Variants in LIMS1 observed in about 807,000 individuals in gnomAD.
LIMS1 encodes the protein LIM zinc finger domain containing 1.
In LIMS1, 18 loss-of-function variants were observed where a neutral mutation model predicts 44.1. The observed-to-expected ratio is 0.41, with a 90% CI of 0.28 to 0.61. The LOEUF (loss-of-function observed/expected upper bound fraction) is 0.61, where lower values mean the gene tolerates loss of function less well. Among genes scored for constraint, LIMS1 ranks in the 20% least tolerant of loss-of-function variants. The probability of loss-of-function intolerance (pLI) is 0.32; values close to 1 mark genes in which losing one functional copy is unlikely to be tolerated. For missense variants in LIMS1, 201 were observed against 422.0 expected, an observed-to-expected ratio of 0.48 and a Z score of 4.59; for synonymous variants, 93 against 149.1, an observed-to-expected ratio of 0.62 and a Z score of 2.74.
intron 1 of LIMS1, among the ~76,000 whole-genome samples, chr2:108,626,915 C>T (rs1688605950): frequency 6.6e-6 from 1 of 152,200 alleles, no homozygotes; most frequent in Non-Finnish European, 1.5e-5. Flanking sequence ...CTGCATAAAA[C>T]GTTTCAGTCA....
intron 1 of LIMS1, among the ~76,000 whole-genome samples, chr2:108,645,834 A>T (rs1174521952): frequency 6.6e-6 from 1 of 151,476 alleles, no homozygotes; most frequent in African/African-American, 2.4e-5. Context: ...AAAAAAAAAA[A>T]CCCAGGAGTT....
intron 1 of LIMS1, among the ~76,000 whole-genome samples, chr2:108,548,139 G>C (rs1684550738): frequency 6.6e-6 from 1 of 152,158 alleles, no homozygotes; most frequent in Non-Finnish European, 1.5e-5. Flanking sequence ...TGAGGATAAT[G>C]ATGAAAAAAT....
intron 1 of LIMS1, among the ~76,000 whole-genome samples, chr2:108,585,930 A>G (rs1686082598): frequency 6.6e-6 from 1 of 152,136 alleles, no homozygotes; most frequent in Admixed American, 6.5e-5. Context: ...GTGGTGGCTC[A>G]TGCCTGTAAT....
intron 1 of LIMS1, among the ~76,000 whole-genome samples, chr2:108,561,236 G>A (rs572548854): frequency 6.6e-6 from 1 of 152,220 alleles, no homozygotes; most frequent in Non-Finnish European, 1.5e-5. Flanking sequence ...CACCAGCAGT[G>A]TATAGTGTTC....
rs71381966 is a variant in LIMS1, at chr2:108,549,279, C to CTTTTTTTTTTTTT, written c.32+14706_32+14718dup. 1.3e-4 allele frequency among the ~76,000 whole-genome samples: 7 copies of CTTTTTTTTTTTTT among 55,792 alleles called. 1 individual carries two copies. Among genetic ancestry groups the CTTTTTTTTTTTTT allele is most frequent in the Non-Finnish European group, 1.9e-4 (6 of 32,026 alleles). The allele number at this position is 55,792 out of a possible 152,430, so 36.6% of individuals were successfully genotyped here. On this transcript the variant is annotated intron_variant, in intron 1 of 9. Coordinates refer to ENST00000544547, the Ensembl canonical transcript of LIMS1. ...ATAATAATGTACAAGTAAAGTGTTT[C>CTTTTTTTTTTTTT]TTTTTTTTTTTTTTTTTTTTTTTTT... is the stretch of plus-strand genomic sequence containing the variant.
At chr2:108,537,163 C>T (rs1684171711) in intron 1 of LIMS1, among the ~76,000 whole-genome samples, 1 of 152,194 alleles carries the variant, frequency 6.6e-6, no homozygotes, top group African/African-American at 2.4e-5. Context: ...TGTGTGTCAA[C>T]ACAGTCCACA....
At chr2:108,543,040 G>T (rs2104572327) in intron 1 of LIMS1, among the ~76,000 whole-genome samples, 1 of 152,306 alleles carries the variant, frequency 6.6e-6, no homozygotes, top group East Asian at 1.9e-4. Context: ...CTATGCTATA[G>T]GGCATGGAGT....
chr2:108,635,429 T>TAAAAAAAA (rs70956264), intron 1 of LIMS1, among the ~76,000 whole-genome samples: 20 of 86,696 alleles, frequency 2.3e-4, no homozygotes, highest in African/African-American at 5.9e-4. Context: ...ACTTCATCTC[T>TAAAAAAAA]AAAAAAAAAA....
intron 1 of LIMS1, among the ~76,000 whole-genome samples, chr2:108,622,655 G>C (rs1048319098): frequency 6.6e-6 from 1 of 152,134 alleles, no homozygotes; most frequent in Non-Finnish European, 1.5e-5. Context: ...TAAGAAGTTT[G>C]TATGTGAGGT....
exon 10 of LIMS1, chr2:108,685,537 T>C (rs1399662768): frequency 6.6e-6 from 1 of 152,226 alleles, no homozygotes; most frequent in Non-Finnish European, 1.5e-5. Flanking sequence ...TTTTTAAAAA[T>C]TCTGTGCATG....
At chr2:108,551,825 C>CTGT (rs1255099429) in intron 1 of LIMS1, among the ~76,000 whole-genome samples, 1 of 143,072 alleles carries the variant, frequency 7.0e-6, no homozygotes, top group Non-Finnish European at 1.5e-5. Flanking sequence ...ATACAATATA[C>CTGT]ATATATACAC....
intron 1 of LIMS1, among the ~76,000 whole-genome samples, chr2:108,630,593 C>T (rs1398164587): frequency 6.6e-6 from 1 of 152,150 alleles, no homozygotes; most frequent in Non-Finnish European, 1.5e-5. Context: ...TTAACGTTTC[C>T]CTTATGTGTA....
intron 1 of LIMS1, among the ~76,000 whole-genome samples, chr2:108,561,042 C>T (rs1685093072): frequency 6.6e-6 from 1 of 152,162 alleles, no homozygotes; most frequent in South Asian, 2.1e-4. Context: ...AACCCAGTAG[C>T]TCAGTGAAAA....
chr2:108,683,920 G>T, exon 10 of LIMS1: 1 of 1,601,832 alleles, frequency 6.2e-7, no homozygotes, highest in Non-Finnish European at 8.5e-7. Flanking sequence ...AAGCCAGTCT[G>T]TAAGAAGTGC....
At chr2:108,613,550 C>T (rs568453668) in intron 1 of LIMS1, among the ~76,000 whole-genome samples, 13 of 152,240 alleles carry the variant, frequency 8.5e-5, no homozygotes, top group African/African-American at 3.1e-4. Flanking sequence ...TCTGTCACCA[C>T]CCTGGCTAGC....
At chr2:108,584,427 C>G (rs1296763539) in intron 1 of LIMS1, among the ~76,000 whole-genome samples, 1 of 151,852 alleles carries the variant, frequency 6.6e-6, no homozygotes, top group Admixed American at 6.6e-5. Context: ...GCTTCCTGTT[C>G]CTTATTAGAG....
At chr2:108,553,857 G>A (rs1332201118) in intron 1 of LIMS1, among the ~76,000 whole-genome samples, 3 of 152,156 alleles carry the variant, frequency 2.0e-5, no homozygotes, top group African/African-American at 7.2e-5. Context: ...GAGTTCTCTG[G>A]TGTATGGGGA....
rs181436169 is a variant in LIMS1, at chr2:108,587,815, G to T, written c.32+53221G>T. Reference sequence around the variant, plus strand: ...TAGCACCACTGGCCTTGCTGCTTCTGCACTGTGTCTGTCAGGGATATCTGG... The same window carrying T: ...TAGCACCACTGGCCTTGCTGCTTCTTCACTGTGTCTGTCAGGGATATCTGG... On this transcript the variant is annotated intron_variant, in intron 1 of 9. Transcript: ENST00000544547. Among the ~76,000 whole-genome samples the T allele has an allele frequency of 7.2e-4, 109 of 152,334 alleles. 2 individuals are homozygous for T. The highest frequency in any genetic ancestry group is 3.4e-3 in the Middle Eastern group (1 of 294).
intron 1 of LIMS1, among the ~76,000 whole-genome samples, chr2:108,637,680 T>C (rs112587673): frequency 0.012 from 1,776 of 152,356 alleles, 16 homozygotes; most frequent in Non-Finnish European, 0.019. Flanking sequence ...AACACAATGT[T>C]ATCTTTTTAA....
Sources: allele counts gnomAD v4.1 joint callset (sites outside exome capture counted in the v4.1 genomes callset), GRCh38; gene constraint gnomAD v4.1.1; transcripts MANE v1.5; gene names NCBI Gene and HGNC (gene_info 2026-07-23, HGNC 2026-07-21).